Variants in NCOR2 observed in about 807,000 individuals in gnomAD.
NCOR2 encodes nuclear receptor corepressor 2.
NCOR2 carries 81 observed loss-of-function variants against 262.9 expected under a neutral mutation model. The observed-to-expected ratio is 0.31, with a 90% CI of 0.26 to 0.37. The LOEUF is 0.37. Among genes scored for constraint, NCOR2 ranks in the 10% least tolerant of loss-of-function variants. The pLI, the probability that NCOR2 is intolerant of heterozygous loss-of-function variation, is 1.00. For missense variants in NCOR2, 3,385 were observed against 3,621.4 expected (o/e 0.93, Z 1.68); for synonymous variants, 1,659 against 1,559.3 (o/e 1.06, Z -1.51).
chr12:124,455,208 G>C (rs529628198), intron 6 of NCOR2, among the ~76,000 whole-genome samples: 13 of 152,230 alleles, frequency 8.5e-5, no homozygotes, highest in Non-Finnish European at 1.6e-4. Context: ...CACTGAACTG[G>C]ACACTTTGAG....
At chr12:124,466,966 T>TCACTACCCC (rs1565969021) in intron 4 of NCOR2, among the ~76,000 whole-genome samples, 3 of 150,836 alleles carry the variant, frequency 2.0e-5, no homozygotes, top group African/African-American at 2.4e-5. Context: ...ATCCTCATCC[T>TCACTACCCC]CATCACCCCC....
chr12:124,385,955 G>T (rs961525987), intron 16 of NCOR2, 68 bp from the exon 19 acceptor site: 28 of 1,550,694 alleles, frequency 1.8e-5, no homozygotes, highest in Non-Finnish European at 2.3e-5. Flanking sequence ...TGCATCCATG[G>T]CCTGGGCGGC....
chr12:124,498,140 G>A (rs116302256), upstream of NCOR2, among the ~76,000 whole-genome samples: 1,711 of 152,260 alleles, frequency 0.011, 32 homozygotes, highest in African/African-American at 0.039. Context: ...AGGGCACCAC[G>A]GGCAACTTCC....
intron 41 of NCOR2, 92 bp from the exon 44 acceptor site, chr12:124,333,371 T>C: frequency 1.6e-6 from 2 of 1,232,340 alleles, no homozygotes; most frequent in African/African-American, 1.5e-5. Flanking sequence ...CCCACACGCT[T>C]TTCCTGTACG....
intron 4 of NCOR2, 147 bp from the exon 7 acceptor site, chr12:124,466,433 C>T (rs1483750955): frequency 1.5e-6 from 1 of 650,540 alleles, no homozygotes; most frequent in African/African-American, 1.9e-5. Context: ...TGTGAGTCAC[C>T]CCAGGGACTC....
At chr12:124,367,619 T>C (rs569083859) in intron 20 of NCOR2, among the ~76,000 whole-genome samples, 17 of 152,040 alleles carry the variant, frequency 1.1e-4, no homozygotes, top group Non-Finnish European at 2.2e-4. Flanking sequence ...CTCCCTTCTT[T>C]GTTTTATTTT....
chr12:124,489,121 T>G (rs1381133702), intron 1 of NCOR2, among the ~76,000 whole-genome samples: 3 of 151,690 alleles, frequency 2.0e-5, no homozygotes, highest in Non-Finnish European at 4.4e-5. Flanking sequence ...AAGGCAAGAA[T>G]TGGGGAGGCC....
rs912069415 is a variant in NCOR2, at chr12:124,454,903, C to T, written c.762+2203G>A. The stretch of plus-strand genomic sequence containing the variant: ...TACCCCAAATATGCAAACAATCTCA[C>T]GTCCACCGACTGATGAGTGGGTAAA... On this transcript the variant is annotated intron_variant, in intron 6 of 46. Coordinates refer to ENST00000405201, the Ensembl canonical transcript of NCOR2. This position sits in a 1 kb window ranked among gnomAD's most constrained non-coding sequence, Gnocchi z 5.6. 2.6e-4 allele frequency among the ~76,000 whole-genome samples: 39 copies of T among 152,164 alleles called. No individual in the cohort carries two copies. Among genetic ancestry groups the T allele is most frequent in the African/African-American group, 7.7e-4 (32 of 41,430 alleles).
At chr12:124,509,236 G>GGA (rs1491089848) in intron 1 of NCOR2, among the ~76,000 whole-genome samples, 2 of 24,388 alleles carry the variant, frequency 8.2e-5, no homozygotes, top group African/African-American at 2.7e-4. Flanking sequence ...TGGCTTTGGT[G>GGA]GGGGGGGGGG....
chr12:124,325,377 G>GCT (rs1555297216), exon 47 of NCOR2: 35 of 251,138 alleles, frequency 1.4e-4, no homozygotes, highest in African/African-American at 1.1e-3. Flanking sequence ...ACCTGACACC[G>GCT]CCCCCCCCCC....
At chr12:124,386,348 T>C (rs952272690) in intron 16 of NCOR2, among the ~76,000 whole-genome samples, 1 of 151,840 alleles carries the variant, frequency 6.6e-6, no homozygotes, top group Non-Finnish European at 1.5e-5. Context: ...AGACGGGTTG[T>C]TTTCCGGCCA....
At chr12:124,348,222 T>C (rs771905073) in exon 29 of NCOR2, 6 of 1,612,860 alleles carry the variant, frequency 3.7e-6, no homozygotes, top group South Asian at 1.1e-5. Flanking sequence ...CCCTCCATCA[T>C]GTCATAGGTG....
At chr12:124,543,305 C>T (rs933501075) in intron 1 of NCOR2, among the ~76,000 whole-genome samples, 2 of 152,248 alleles carry the variant, frequency 1.3e-5, no homozygotes, top group African/African-American at 2.4e-5. Flanking sequence ...GCACTGACAC[C>T]GGGCATAGCG....
upstream of NCOR2, among the ~76,000 whole-genome samples, chr12:124,496,950 T>A (rs1425148040): frequency 6.6e-6 from 1 of 152,280 alleles, no homozygotes; most frequent in Admixed American, 6.5e-5. The surrounding 1 kb of genome is among the most constrained non-coding windows in gnomAD (Gnocchi z 4.4). Flanking sequence ...GGGGCCACCA[T>A]GCAGCAGGAG....
intron 12 of NCOR2, among the ~76,000 whole-genome samples, chr12:124,422,299 C>G (rs1380651983): frequency 6.6e-6 from 1 of 152,214 alleles, no homozygotes; most frequent in Non-Finnish European, 1.5e-5. Context: ...CTCCATGGGC[C>G]CAGGAGGCCA....
chr12:124,509,340 G>A (rs1260327319), intron 1 of NCOR2, among the ~76,000 whole-genome samples: 2 of 151,848 alleles, frequency 1.3e-5, no homozygotes, highest in African/African-American at 4.9e-5. Flanking sequence ...CTTCCACTGG[G>A]GCTACTGAAC....
intron 7 of NCOR2, among the ~76,000 whole-genome samples, chr12:124,447,662 A>T (rs1286767037): frequency 1.3e-5 from 2 of 152,110 alleles, no homozygotes; most frequent in East Asian, 3.9e-4. Flanking sequence ...ATAGTACTTT[A>T]GATTCGCTGG....
intron 3 of NCOR2, among the ~76,000 whole-genome samples, chr12:124,480,285 G>A (rs2047378803): frequency 6.6e-6 from 1 of 152,200 alleles, no homozygotes; most frequent in Non-Finnish European, 1.5e-5. Flanking sequence ...GTGCAGGGAG[G>A]GGCCCGTGTC....
intron 1 of NCOR2, among the ~76,000 whole-genome samples, chr12:124,487,853 G>A (rs998129054): frequency 1.8e-4 from 26 of 141,132 alleles, no homozygotes; most frequent in African/African-American, 6.6e-4. Flanking sequence ...ACCCAGATTT[G>A]AGAAACATTA....
Sources: allele counts gnomAD v4.1 joint callset (sites outside exome capture counted in the v4.1 genomes callset), GRCh38; gene constraint gnomAD v4.1.1; non-coding constraint Gnocchi (gnomAD v3.1); transcripts MANE v1.5; gene names NCBI Gene and HGNC (gene_info 2026-07-23, HGNC 2026-07-21).